CNBD1: variants seen among roughly 807,000 people sequenced by gnomAD.
The protein encoded by CNBD1 is cyclic nucleotide binding domain containing 1, also known as cyclic nucleotide-binding domain-containing protein 1.
Under a neutral mutation model 54.4 loss-of-function variants are expected in CNBD1, and 71 were observed. That is an observed-to-expected ratio of 1.30 (90% CI 1.08 to 1.59). The LOEUF (loss-of-function observed/expected upper bound fraction) is 1.59, where lower values mean the gene tolerates loss of function less well. Among genes scored for constraint, CNBD1 ranks in the 40% most tolerant of loss-of-function variants. CNBD1 has a pLI of 0.00. For synonymous variants in CNBD1, 182 were observed against 170.7 expected (o/e 1.07, Z -0.51); for missense variants, 659 against 518.0 (o/e 1.27, Z -2.64).
rs553834494 is a variant in CNBD1, at chr8:87,408,158, A to G, written c.214-20388A>G. Among the ~76,000 whole-genome samples the G allele has an allele frequency of 6.4e-4, 97 of 151,820 alleles. 1 individual carries two copies. The highest frequency in any genetic ancestry group is 2.0e-3 in the Admixed American group (30 of 15,244). On this transcript the variant is annotated intron_variant, in intron 2 of 7. Coordinates refer to the CNBD1 transcript ENST00000521593. ...CTTAACATTATTTTCTATGGTTTGA[A>G]GTCTTGGTAATTACCTCCTCAAACA...
chr8:87,237,369 G>A (rs1414552259), intron 6 of CNBD1: 1 of 286,504 alleles, frequency 3.5e-6, no homozygotes, highest in African/African-American at 2.2e-5. Flanking sequence ...GATGTGGCTG[G>A]ATCCCTGAAA....
intron 4 of CNBD1, among the ~76,000 whole-genome samples, chr8:87,085,506 A>G (rs914476222): frequency 6.6e-6 from 1 of 152,138 alleles, no homozygotes; most frequent in Non-Finnish European, 1.5e-5. Context: ...GAGCTAATAT[A>G]GTCAGAAGTT....
chr8:87,399,477 A>G (rs1807508586), intron 2 of CNBD1, among the ~76,000 whole-genome samples: 2 of 152,060 alleles, frequency 1.3e-5, no homozygotes, highest in African/African-American at 2.4e-5. Flanking sequence ...CAATTTTAAG[A>G]GCTTTGCCTC....
chr8:87,354,119 C>T (rs1283379323), intron 10 of CNBD1, among the ~76,000 whole-genome samples: 1 of 152,118 alleles, frequency 6.6e-6, no homozygotes, highest in Non-Finnish European at 1.5e-5. Context: ...GAACCCAGGG[C>T]AACCAGCCCT....
intron 2 of CNBD1, among the ~76,000 whole-genome samples, chr8:87,388,587 T>A (rs535339390): frequency 6.6e-6 from 1 of 152,140 alleles, no homozygotes; most frequent in African/African-American, 2.4e-5. Context: ...AATAACAGGC[T>A]CTGAAATTGA....
intron 4 of CNBD1, among the ~76,000 whole-genome samples, chr8:87,096,767 A>G (rs1330334408): frequency 6.6e-6 from 1 of 151,660 alleles, no homozygotes; most frequent in Non-Finnish European, 1.5e-5. Flanking sequence ...CAGAGATGAG[A>G]GGCTTTGCTG....
At chr8:87,120,358 T>C (rs1811865369) in intron 4 of CNBD1, among the ~76,000 whole-genome samples, 1 of 152,060 alleles carries the variant, frequency 6.6e-6, no homozygotes, top group African/African-American at 2.4e-5. Context: ...TTTGTCAGTG[T>C]ATAGTTGTTC....
intron 4 of CNBD1, among the ~76,000 whole-genome samples, chr8:86,948,675 G>C (rs1227544487): frequency 6.6e-6 from 1 of 151,918 alleles, no homozygotes; most frequent in African/African-American, 2.4e-5. Flanking sequence ...TTGTCAGAGG[G>C]GTAGTTTGCA....
chr8:87,304,863 G>T (rs1328322224), intron 8 of CNBD1, among the ~76,000 whole-genome samples: 1 of 152,006 alleles, frequency 6.6e-6, no homozygotes, highest in Admixed American at 6.6e-5. Context: ...AGAGAAGGAT[G>T]CCCACTCCCA....
rs192683246 is a variant in CNBD1, at chr8:87,233,718, C to T, written c.578-3201C>T. 1.9e-3 allele frequency among the ~76,000 whole-genome samples: 289 copies of T among 152,176 alleles called. 1 individual carries two copies. Among genetic ancestry groups the T allele is most frequent in the African/African-American group, 6.4e-3 (265 of 41,522 alleles). On this transcript the variant is annotated intron_variant, in intron 5 of 10. Transcript: ENST00000518476. Reference sequence around the variant, plus strand: ...CTCCGGGGCTCAAGTGATTCTCCCACCTCAGTCTCCCAAGTAGCTGGGACT... The same window carrying T: ...CTCCGGGGCTCAAGTGATTCTCCCATCTCAGTCTCCCAAGTAGCTGGGACT...
At chr8:87,377,967 G>T (rs1316509313) in intron 10 of CNBD1, among the ~76,000 whole-genome samples, 1 of 142,700 alleles carries the variant, frequency 7.0e-6, no homozygotes, top group Non-Finnish European at 1.5e-5. Context: ...AGAAGTGTCT[G>T]TTCATGTCCT....
chr8:87,058,650 C>T (rs574717253), intron 4 of CNBD1, among the ~76,000 whole-genome samples: 1 of 152,300 alleles, frequency 6.6e-6, no homozygotes, highest in South Asian at 2.1e-4. Context: ...GCAATATCCT[C>T]AGCTGTACCT....
rs6998795 is a variant in CNBD1, at chr8:87,316,212, G to A, written c.1042+29541G>A. Among the ~76,000 whole-genome samples, 1,055 of 151,988 alleles carry A rather than the reference G, an allele frequency of 6.9e-3. 11 individuals carry two copies. Among genetic ancestry groups the A allele is most frequent in the African/African-American group, 0.024 (985 of 41,488 alleles). ...GCATACATAAAAAAGAAATTGTTTT[G>A]TCATATACAAATGACTCTTACCAAC... On this transcript the variant is annotated intron_variant, in intron 8 of 10. Transcript: ENST00000518476.
intron 8 of CNBD1, among the ~76,000 whole-genome samples, chr8:87,333,542 A>G (rs1381927217): frequency 6.6e-6 from 1 of 152,170 alleles, no homozygotes; most frequent in African/African-American, 2.4e-5. Flanking sequence ...ATTTTGAGAT[A>G]TGTTCCATCA....
chr8:87,223,295 G>A (rs1814387276), intron 5 of CNBD1, among the ~76,000 whole-genome samples: 1 of 150,798 alleles, frequency 6.6e-6, no homozygotes, highest in Admixed American at 6.6e-5. Context: ...CATTGTGCAG[G>A]TTAGTTACAT....
chr8:87,255,989 ATATATATATATATATATATATATATAT>A (rs1481101305), intron 6 of CNBD1, among the ~76,000 whole-genome samples: 3 of 10,886 alleles, frequency 2.8e-4, no homozygotes, highest in South Asian at 3.1e-3. Context: ...ATATATATAT[ATATATATATATATATATATATATATAT>A]TTTTTTTTTT....
chr8:87,285,901 G>T (rs1808688848), intron 7 of CNBD1, among the ~76,000 whole-genome samples: 2 of 152,074 alleles, frequency 1.3e-5, no homozygotes, highest in South Asian at 4.1e-4. Context: ...AAAATAATGG[G>T]ATTCAAAGGT....
rs189494031 is a variant in CNBD1 at position 87,036,322 on chromosome 8, C to T, written c.431+96568C>T. 1.1e-4 allele frequency among the ~76,000 whole-genome samples: 16 copies of T among 152,076 alleles called. No homozygotes were observed. In the East Asian group the frequency reaches 2.1e-3, roughly 20 times the overall value. ...AGTAAAGATTGGTCACGGCCAGGCA[C>T]GGTGGCTCACGCCTGTAATCCCAGC... On this transcript the variant is annotated intron_variant, in intron 4 of 10. Coordinates refer to ENST00000518476, the MANE Select transcript of CNBD1 (RefSeq NM_173538.3).
At chr8:87,329,035 C>T (rs1193420905) in intron 8 of CNBD1, among the ~76,000 whole-genome samples, 2 of 143,610 alleles carry the variant, frequency 1.4e-5, no homozygotes, top group African/African-American at 2.6e-5. Flanking sequence ...TACTTTTCTC[C>T]TAGGAGTTTT....
Sources: gnomAD v4.1 joint callset for allele counts (sites outside exome capture counted in the v4.1 genomes callset) on GRCh38, gnomAD v4.1.1 for gene constraint, MANE v1.5 for transcripts, NCBI Gene and HGNC (gene_info 2026-07-23, HGNC 2026-07-21) for gene names.